The following ANKRD11 variants were observed in gnomAD, a reference collection of about 807,000 sequenced individuals.
ANKRD11 encodes the protein ankyrin repeat domain-containing protein 11.
Under a neutral mutation model 195.7 loss-of-function variants are expected in ANKRD11, and 17 were observed. That is an observed-to-expected ratio of 0.09 (90% CI 0.06 to 0.13). The LOEUF (loss-of-function observed/expected upper bound fraction) is 0.13. Among genes scored for constraint, ANKRD11 ranks in the 10% least tolerant of loss-of-function variants. ANKRD11 has a pLI of 1.00. For synonymous variants in ANKRD11, 1,953 were observed against 1,528.1 expected, an observed-to-expected ratio of 1.28 and a Z score of -6.49; for missense variants, 3,735 against 3,566.1, an observed-to-expected ratio of 1.05 and a Z score of -1.21.
intron 1 of ANKRD11, among the ~76,000 whole-genome samples, chr16:89,469,691 G>C (rs1369801756): frequency 1.3e-5 from 2 of 148,950 alleles, no homozygotes; most frequent in Admixed American, 6.7e-5. Context: ...GAGGTCAGGA[G>C]ATGGAGACCA....
intron 1 of ANKRD11, among the ~76,000 whole-genome samples, chr16:89,468,797 TG>T (rs2056969255): frequency 6.6e-6 from 1 of 152,200 alleles, no homozygotes; most frequent in Non-Finnish European, 1.5e-5. Context: ...GCCAGCCTGC[TG>T]GATGTTGAAA....
chr16:89,431,101 ATCCTC>A (rs1039047583), intron 1 of ANKRD11, among the ~76,000 whole-genome samples: 2 of 152,008 alleles, frequency 1.3e-5, no homozygotes, highest in Non-Finnish European at 2.9e-5. Context: ...ATTCAGTGAA[ATCCTC>A]TCCTCTCCCA....
Position 89,309,581 on chromosome 16 carries a change from G to A in ANKRD11, c.88-4237C>T, listed in dbSNP as rs534186146. ...AAGGAAAAGCACACATGGGCAAGGC[G>A]CCTGTGTGACACGAGGCTTGCCCCG... On this transcript the variant is annotated intron_variant, in intron 3 of 12. Coordinates refer to ENST00000301030, the MANE Select transcript of ANKRD11 (RefSeq NM_013275.6). Among the ~76,000 whole-genome samples, 164 of 152,306 alleles carry A rather than the reference G, an allele frequency of 1.1e-3. 1 individual carries two copies. The highest frequency in any genetic ancestry group is 6.8e-3 in the Middle Eastern group (2 of 294).
chr16:89,277,976 G>A (rs576687056), intron 9 of ANKRD11: 150 of 161,798 alleles, frequency 9.3e-4, no homozygotes, highest in African/African-American at 3.3e-3. Flanking sequence ...TGTACCTCAC[G>A]CCACCTGCGA....
At chr16:89,277,953 G>C (rs776029719) in intron 9 of ANKRD11, 2 of 159,890 alleles carry the variant, frequency 1.3e-5, no homozygotes, top group Non-Finnish European at 2.8e-5. Flanking sequence ...AACGCGTGTG[G>C]AGGGCCCCTG....
chr16:89,305,173 G>C, intron 4 of ANKRD11, 33 bp downstream of exon 4: 1 of 1,606,134 alleles, frequency 6.2e-7, no homozygotes, highest in African/African-American at 1.3e-5. Flanking sequence ...TGCCTGTGGA[G>C]GGCTGACTGC....
intron 2 of ANKRD11, among the ~76,000 whole-genome samples, chr16:89,372,100 G>A (rs1296173179): frequency 2.6e-5 from 4 of 152,216 alleles, no homozygotes; most frequent in African/African-American, 2.4e-5. Flanking sequence ...CCACCACGGC[G>A]GGCACCCGGC....
intron 2 of ANKRD11, chr16:89,324,133 C>A: frequency 1.1e-6 from 1 of 871,554 alleles, no homozygotes; most frequent in Non-Finnish European, 1.5e-6. Context: ...GCACAACGCT[C>A]TCTACTGCAG....
chr16:89,362,227 G>T (rs115694814), intron 2 of ANKRD11, among the ~76,000 whole-genome samples: 3,199 of 152,274 alleles, frequency 0.021, 127 homozygotes, highest in African/African-American at 0.074. Flanking sequence ...ACAACCACTG[G>T]ACAAACTGAA....
chr16:89,273,194 C>T (rs972678989), intron 11 of ANKRD11: 1 of 152,082 alleles, frequency 6.6e-6, no homozygotes, highest in Admixed American at 6.6e-5. Flanking sequence ...GGGCTAAATG[C>T]TTGAGGGGAT....
intron 1 of ANKRD11, among the ~76,000 whole-genome samples, chr16:89,481,439 T>A (rs1271764567): frequency 6.6e-6 from 1 of 152,124 alleles, no homozygotes; most frequent in African/African-American, 2.4e-5. Flanking sequence ...CGTCTGTAGT[T>A]CTAGCCACTC....
At position 89,280,761 on chromosome 16, in the gene ANKRD11, C is replaced by G; in HGVS notation, c.5781G>C (p.Glu1927Asp). 3 of 1,612,796 alleles carry G rather than the reference C, an allele frequency of 1.9e-6. No individual in the cohort carries two copies. The highest frequency in any genetic ancestry group is 2.5e-6 in the Non-Finnish European group (3 of 1,179,350). The change falls in exon 9 of 13, where the codon GAG (glutamate) becomes GAC (aspartate). Residue 1927 changes from glutamate (E) to aspartate (D), a missense_variant. By Grantham distance (45) the Glu-to-Asp change is conservative. Coordinates refer to ENST00000301030, the MANE Select transcript of ANKRD11 (RefSeq NM_013275.6). ...QQATAAIIPP[E>D]PSYLEPLDEG... ...CGTCCAGCGGCTCCAGGTAGCTGGG[C>G]TCCGGGGGGATGATGGCGGCCGTCG...
intron 1 of ANKRD11, among the ~76,000 whole-genome samples, chr16:89,442,798 C>G (rs984999237): frequency 1.3e-5 from 2 of 152,178 alleles, no homozygotes; most frequent in Non-Finnish European, 2.9e-5. Flanking sequence ...CCTATTCTCA[C>G]TCCAACCCCA....
intron 2 of ANKRD11, among the ~76,000 whole-genome samples, chr16:89,335,694 C>G (rs192254473): frequency 6.6e-5 from 10 of 152,230 alleles, no homozygotes; most frequent in African/African-American, 2.4e-4. Context: ...GGACACAGCA[C>G]ATGAGCGCCC....
At chr16:89,406,109 C>CAAA (rs1232899595) in intron 2 of ANKRD11, among the ~76,000 whole-genome samples, 33 of 49,622 alleles carry the variant, frequency 6.7e-4, no homozygotes, top group African/African-American at 1.3e-3. Context: ...GATTCCATCT[C>CAAA]AAAAAAAAAA....
chr16:89,310,877 C>T (rs186693505), intron 3 of ANKRD11, among the ~76,000 whole-genome samples: 61 of 152,318 alleles, frequency 4.0e-4, no homozygotes, highest in Middle Eastern at 3.4e-3. Flanking sequence ...AGACAGTGTT[C>T]CTCTTTCCTC....
At chr16:89,435,796 T>TCACTCACACACACA (rs2043189248) in intron 1 of ANKRD11, among the ~76,000 whole-genome samples, 1 of 143,018 alleles carries the variant, frequency 7.0e-6, no homozygotes, top group Non-Finnish European at 1.5e-5. Flanking sequence ...CACCAGCTCT[T>TCACTCACACACACA]CACACACACA....
intron 1 of ANKRD11, among the ~76,000 whole-genome samples, chr16:89,486,434 C>A (rs998518390): frequency 6.7e-6 from 1 of 148,886 alleles, no homozygotes; most frequent in African/African-American, 2.5e-5. Context: ...AGCAACACAC[C>A]GAGACCCTGC....
At chr16:89,399,137 A>G (rs1425213163) in intron 2 of ANKRD11, among the ~76,000 whole-genome samples, 1 of 152,222 alleles carries the variant, frequency 6.6e-6, no homozygotes, top group Non-Finnish European at 1.5e-5. Flanking sequence ...ACGGAGCAGG[A>G]GCATGATGAC....
Sources: gnomAD v4.1 joint callset for allele counts (sites outside exome capture counted in the v4.1 genomes callset) on GRCh38, gnomAD v4.1.1 for gene constraint, MANE v1.5 for transcripts, NCBI Gene and HGNC (gene_info 2026-07-23, HGNC 2026-07-21) for gene names.